LRRN1: variants seen among roughly 807,000 people sequenced by gnomAD.
LRRN1 encodes the protein leucine rich repeat neuronal 1.
In LRRN1, 14 loss-of-function variants were observed where a neutral mutation model predicts 45.8. The observed-to-expected ratio is 0.31, with a 90% CI of 0.20 to 0.48. LRRN1 has a LOEUF of 0.48. LRRN1 is among the 20% of genes least tolerant of loss of function. The pLI, the probability that LRRN1 is intolerant of heterozygous loss-of-function variation, is 0.99. For synonymous variants in LRRN1, 359 were observed against 330.1 expected (o/e 1.09, Z -0.95); for missense variants, 789 against 874.2 (o/e 0.90, Z 1.23).
chr3:3,846,518 A>G lies in LRRN1; in HGVS notation c.1877A>G (p.Gln626Arg). ...NAAFAVDISD[Q>R]ETSTALAAVM... is the part of the protein sequence containing the mutation. ...GCCTTCGCAGTGGACATCTCTGATC[A>G]AGAAACCAGTACAGCCCTTGCTGCA... Residue 626 changes from glutamine (Q) to arginine (R), a missense_variant, in exon 2 of 2, where the codon CAA (glutamine) becomes CGA (arginine). Physicochemically the swap from Gln to Arg is conservative, Grantham distance 43. Transcript: ENST00000319331. The surrounding 1 kb of genome is among the most constrained non-coding windows in gnomAD (Gnocchi z 5.7). 6.2e-7 allele frequency: 1 copy of G among 1,614,224 alleles called. No homozygotes were observed. Among genetic ancestry groups the G allele is most frequent in the Non-Finnish European group, 8.5e-7 (1 of 1,180,028 alleles).
At chr3:3,833,215 T>A (rs1231482054) in intron 1 of LRRN1, among the ~76,000 whole-genome samples, 1 of 152,238 alleles carries the variant, frequency 6.6e-6, no homozygotes, top group East Asian at 1.9e-4. Flanking sequence ...CTAAAGTGAC[T>A]AATCCACTCC....
Position 3,816,851 on chromosome 3 carries a change from C to T in LRRN1, c.-279+16932C>T, listed in dbSNP as rs1054484800. ...GGTATCACAGAAAGGCCCTGTGCAA[C>T]GAACTTGACTTTAACTTCAGCTGGT... On this transcript the variant is annotated intron_variant, in intron 1 of 1. Transcript: ENST00000319331. This position sits in a 1 kb window ranked among gnomAD's most constrained non-coding sequence, Gnocchi z 4.0. Among the ~76,000 whole-genome samples, 2 of 152,114 alleles carry T rather than the reference C, an allele frequency of 1.3e-5. No homozygotes were observed. Among genetic ancestry groups the T allele is most frequent in the Admixed American group, 1.3e-4 (2 of 15,260 alleles).
At chr3:3,836,687 A>C (rs1213038775) in intron 1 of LRRN1, among the ~76,000 whole-genome samples, 1 of 152,180 alleles carries the variant, frequency 6.6e-6, no homozygotes, top group African/African-American at 2.4e-5. Context: ...ACACATAGGA[A>C]GCAATAGCAT....
rs1693726319 is a variant in LRRN1 at position 3,844,853 on chromosome 3, C to G, written c.212C>G (p.Ser71Cys). ...TTAACAAGGATTCCCAGTAACCTCT[C>G]TAGTGACACACAAGTGCTTCTCTTA... is the stretch of plus-strand genomic sequence containing the variant. Reference protein sequence around the residue: ...LRLTRIPSNLSSDTQVLLLQS... With the variant: ...LRLTRIPSNLCSDTQVLLLQS... Residue 71 changes from serine to cysteine, a missense_variant, in exon 2 of 2, where the codon TCT becomes TGT. Physicochemically the swap from Ser to Cys is moderately radical, Grantham distance 112. Transcript: ENST00000319331. The G allele has an allele frequency of 6.2e-7, 1 of 1,614,082 alleles. No individual in the cohort carries two copies. The highest frequency in any genetic ancestry group is 8.5e-7 in the Non-Finnish European group (1 of 1,180,036).
Position 3,847,801 on chromosome 3 carries a change from T to C in LRRN1, c.*1009T>C, listed in dbSNP as rs1473605806. The C allele has an allele frequency of 3.0e-5, 5 of 166,472 alleles. No individual in the cohort carries two copies. In the South Asian group the frequency reaches 6.2e-4, roughly 21 times the overall value. The allele number at this position is 166,472 out of a possible 1,614,324, so 10.3% of individuals were successfully genotyped here. On this transcript the variant is annotated 3_prime_UTR_variant, in exon 2 of 2. Transcript: ENST00000319331. ...GTCTATTTTAATTAAGATATTTTAA[T>C]GAACAGGATTTCTGTATTTTAAATA...
At chr3:3,835,551 GTAGAATTCTTTCTC>G (rs1204310737) in intron 1 of LRRN1, among the ~76,000 whole-genome samples, 1 of 150,894 alleles carries the variant, frequency 6.6e-6, no homozygotes, top group Non-Finnish European at 1.5e-5. Flanking sequence ...TTCCTCCAGG[GTAGAATTCTTTCTC>G]CAACCCCAGA....
intron 1 of LRRN1, among the ~76,000 whole-genome samples, chr3:3,823,581 A>G (rs1015628873): frequency 2.0e-5 from 3 of 152,224 alleles, no homozygotes; most frequent in African/African-American, 4.8e-5. Flanking sequence ...AAATCCTGCT[A>G]TGATCCACTG....
At chr3:3,843,926 C>T (rs1022806454) in intron 1 of LRRN1, among the ~76,000 whole-genome samples, 1 of 152,082 alleles carries the variant, frequency 6.6e-6, no homozygotes, top group African/African-American at 2.4e-5. Context: ...TAGGAATGAA[C>T]TTTTAATTTT....
intron 1 of LRRN1, among the ~76,000 whole-genome samples, chr3:3,839,050 G>GT (rs558522308): frequency 5.7e-4 from 86 of 152,096 alleles, no homozygotes; most frequent in African/African-American, 2.0e-3. Context: ...CGTTGCCTGT[G>GT]TTTTTGGTGT....
At chr3:3,837,718 A>T (rs1693554341) in intron 1 of LRRN1, among the ~76,000 whole-genome samples, 2 of 150,362 alleles carry the variant, frequency 1.3e-5, no homozygotes, top group South Asian at 2.1e-4. Context: ...CTTTTTTTTT[A>T]ATTAATTTTA....
chr3:3,843,131 C>T (rs1158241783), intron 1 of LRRN1, among the ~76,000 whole-genome samples: 1 of 152,180 alleles, frequency 6.6e-6, no homozygotes, highest in Non-Finnish European at 1.5e-5. Flanking sequence ...CATAGATTCC[C>T]TTAATTTTCT....
At chr3:3,804,601 T>C (rs1692718167) in intron 1 of LRRN1, among the ~76,000 whole-genome samples, 1 of 152,200 alleles carries the variant, frequency 6.6e-6, no homozygotes, top group Non-Finnish European at 1.5e-5. Flanking sequence ...TCTTTATTGC[T>C]CAGAGGTTAG....
In LRRN1 at chr3:3,845,314, A is replaced by C; in HGVS notation, c.673A>C (p.Met225Leu). Residue 225 changes from methionine to leucine, a missense_variant, in exon 2 of 2, where the codon ATG (methionine) becomes CTG (leucine). Transcript: ENST00000319331. This position sits in a 1 kb window ranked among gnomAD's most constrained non-coding sequence, Gnocchi z 6.5. ...TTTGAGAAGCTTAGTTTTGGCAGGA[A>C]TGTATCTCACTGATATTCCTGGAAA... The part of the protein sequence containing the change: ...ANLRSLVLAG[M>L]YLTDIPGNAL... 6.2e-7 allele frequency: 1 copy of C among 1,614,112 alleles called. No homozygotes were observed.
chr3:3,822,132 T>G (rs1261742340), intron 1 of LRRN1, among the ~76,000 whole-genome samples: 1 of 152,208 alleles, frequency 6.6e-6, no homozygotes, highest in Non-Finnish European at 1.5e-5. Flanking sequence ...TTTATTTTTC[T>G]GAGTCTCCAT....
At chr3:3,801,775 G>A (rs548549232) in intron 1 of LRRN1, among the ~76,000 whole-genome samples, 4 of 152,258 alleles carry the variant, frequency 2.6e-5, no homozygotes, top group African/African-American at 9.6e-5. Context: ...TCTTTACCTG[G>A]CTGTATATAT....
At chr3:3,836,533 C>T (rs1259684327) in intron 1 of LRRN1, among the ~76,000 whole-genome samples, 1 of 152,056 alleles carries the variant, frequency 6.6e-6, no homozygotes, top group African/African-American at 2.4e-5. Flanking sequence ...GATAGTATTC[C>T]ATTGTATGTA....
intron 1 of LRRN1, among the ~76,000 whole-genome samples, chr3:3,817,707 A>T (rs906823792): frequency 3.6e-4 from 55 of 150,764 alleles, no homozygotes; most frequent in African/African-American, 1.2e-3. Context: ...TTTTTTTTTT[A>T]AATAAAAATG....
chr3:3,825,505 C>T (rs1305372521), intron 1 of LRRN1, among the ~76,000 whole-genome samples: 1 of 151,906 alleles, frequency 6.6e-6, no homozygotes. Flanking sequence ...TAATAACATA[C>T]AAGAAAAAGG....
intron 1 of LRRN1, chr3:3,800,739 C>T (rs1016384890): frequency 6.6e-6 from 1 of 152,116 alleles, no homozygotes; most frequent in Non-Finnish European, 1.5e-5. Flanking sequence ...GGGGACAGAC[C>T]TCAGCCCGTG....
Sources: gnomAD v4.1 joint callset for allele counts (sites outside exome capture counted in the v4.1 genomes callset) on GRCh38, gnomAD v4.1.1 for gene constraint, Gnocchi (gnomAD v3.1) non-coding constraint, MANE v1.5 for transcripts, NCBI Gene and HGNC (gene_info 2026-07-23, HGNC 2026-07-21) for gene names.